SSBP3: variants seen among roughly 807,000 people sequenced by gnomAD.
SSBP3 encodes the protein single-stranded DNA-binding protein 3.
A neutral mutation model predicts 69.6 loss-of-function variants in SSBP3; 5 were observed. That is an observed-to-expected ratio of 0.07 (90% CI 0.04 to 0.15). SSBP3 has a LOEUF of 0.15. Ranked by LOEUF, SSBP3 falls within the 10% of genes least tolerant of loss-of-function variation. The pLI, the probability that SSBP3 is intolerant of heterozygous loss-of-function variation, is 1.00. For synonymous variants in SSBP3, 196 were observed against 193.4 expected (o/e 1.01, Z -0.11); for missense variants, 312 against 534.0 (o/e 0.58, Z 4.10).
chr1:54,296,874 A>G (rs1011101604), intron 4 of SSBP3, among the ~76,000 whole-genome samples: 5 of 151,974 alleles, frequency 3.3e-5, no homozygotes, highest in African/African-American at 1.2e-4. Flanking sequence ...CCTGCCCCCA[A>G]AGCCTCCTGG....
intron 16 of SSBP3, 28 bp from the exon 17 acceptor site, chr1:54,228,384 C>T (rs762007801): frequency 6.2e-7 from 1 of 1,614,028 alleles, no homozygotes; most frequent in Non-Finnish European, 8.5e-7. Context: ...GAGGTGAGCA[C>T]CTGTGTCCCC....
Position 54,253,180 on chromosome 1 carries a change from TTTTTAG to T in SSBP3, c.508-1326_508-1321del, listed in dbSNP as rs1475500990. 2.7e-3 allele frequency among the ~76,000 whole-genome samples: 404 copies of T among 149,750 alleles called. 4 individuals carry two copies. The highest frequency in any genetic ancestry group is 8.8e-3 in the African/African-American group (352 of 40,052). On this transcript the variant is annotated intron_variant, in intron 7 of 17. Coordinates refer to ENST00000610401, the Ensembl canonical transcript of SSBP3. Reference sequence around the variant, plus strand: ...AGAATTGGTATTTGTTTTTGTTTTTTTTTTAGTTTTTGTTTTTTTTTTTTTTTAAGA... The same window carrying T: ...AGAATTGGTATTTGTTTTTGTTTTTTTTTTTGTTTTTTTTTTTTTTTAAGA...
chr1:54,340,808 C>T (rs1646594206), intron 4 of SSBP3, among the ~76,000 whole-genome samples: 1 of 152,226 alleles, frequency 6.6e-6, no homozygotes, highest in African/African-American at 2.4e-5. Context: ...GCCCAGAGGG[C>T]TGCAGGCTCC....
At chr1:54,319,035 C>A (rs189821665) in intron 4 of SSBP3, among the ~76,000 whole-genome samples, 2 of 152,144 alleles carry the variant, frequency 1.3e-5, no homozygotes, top group Non-Finnish European at 2.9e-5. Flanking sequence ...GTGTTCTAGG[C>A]TGTCCACACC....
chr1:54,404,811 G>GGC, intron 2 of SSBP3, 47 bp downstream of exon 2: 2 of 990,834 alleles, frequency 2.0e-6, no homozygotes, highest in Admixed American at 2.1e-5. Context: ...AGAATAGTGG[G>GGC]GGGGGGGGGT....
At chr1:54,392,275 G>C (rs1218510131) in intron 4 of SSBP3, among the ~76,000 whole-genome samples, 2 of 152,158 alleles carry the variant, frequency 1.3e-5, no homozygotes, top group African/African-American at 4.8e-5. Flanking sequence ...TTCTAGTACA[G>C]ATCTGGAAAC....
At chr1:54,397,041 A>G (rs946567447) in intron 4 of SSBP3, among the ~76,000 whole-genome samples, 9 of 152,246 alleles carry the variant, frequency 5.9e-5, no homozygotes, top group East Asian at 1.9e-4. Flanking sequence ...CCCAAAGCCT[A>G]TGCTCCAAGG....
intron 4 of SSBP3, among the ~76,000 whole-genome samples, chr1:54,348,374 G>C (rs1646726376): frequency 6.6e-6 from 1 of 151,732 alleles, no homozygotes; most frequent in Non-Finnish European, 1.5e-5. Flanking sequence ...ACAGGAAGTA[G>C]ACATCCTCCT....
chr1:54,241,773 C>T (rs1347593563), intron 11 of SSBP3, among the ~76,000 whole-genome samples: 2 of 152,228 alleles, frequency 1.3e-5, no homozygotes, highest in South Asian at 2.1e-4. Flanking sequence ...GAAGGCCCTC[C>T]GGTTTGAGAG....
intron 4 of SSBP3, among the ~76,000 whole-genome samples, chr1:54,393,077 T>C (rs1325911662): frequency 6.6e-6 from 1 of 152,096 alleles, no homozygotes; most frequent in African/African-American, 2.4e-5. Context: ...GAGGCCAAAG[T>C]GGCTGGAGAA....
At chr1:54,279,808 G>C (rs1222390327) in intron 5 of SSBP3, among the ~76,000 whole-genome samples, 1 of 152,196 alleles carries the variant, frequency 6.6e-6, no homozygotes, top group Admixed American at 6.5e-5. Flanking sequence ...TTCCTCCCTG[G>C]GAGAAGGACA....
chr1:54,240,123 A>ATGCCCACGCGCGCGCGCG (rs1557449311), intron 13 of SSBP3, among the ~76,000 whole-genome samples: 1 of 10,462 alleles, frequency 9.6e-5, no homozygotes, highest in Admixed American at 1.8e-3. Context: ...CGCGCGCGCA[A>ATGCCCACGCGCGCGCGCG]CACATGCCCA....
rs892874190 is a variant in SSBP3 at position 54,255,994 on chromosome 1, C to T, written c.507+1133G>A. Reference sequence around the variant, plus strand: ...GGCTGAGGCAGGAGAACTGCTTGAACCCAGGAGGCGGACGGAGGTTGCAGT... The same window carrying T: ...GGCTGAGGCAGGAGAACTGCTTGAATCCAGGAGGCGGACGGAGGTTGCAGT... On this transcript the variant is annotated intron_variant, in intron 7 of 17. Transcript: ENST00000610401. Among the ~76,000 whole-genome samples, 12 of 152,170 alleles carry T rather than the reference C, an allele frequency of 7.9e-5. No homozygotes were observed. In the East Asian group the frequency reaches 1.7e-3, roughly 22 times the overall value.
intron 5 of SSBP3, among the ~76,000 whole-genome samples, chr1:54,266,562 C>G (rs942816353): frequency 1.3e-5 from 2 of 152,074 alleles, no homozygotes; most frequent in African/African-American, 4.8e-5. Flanking sequence ...GTCCTCAAGA[C>G]TGAAGAGGGA....
At chr1:54,325,571 T>G (rs534383279) in intron 4 of SSBP3, 15 of 164,782 alleles carry the variant, frequency 9.1e-5, no homozygotes, top group African/African-American at 3.6e-4. Context: ...TTGTAACTCC[T>G]GCTGATGTAA....
chr1:54,376,564 A>T (rs1331735560), intron 4 of SSBP3, among the ~76,000 whole-genome samples: 1 of 152,236 alleles, frequency 6.6e-6, no homozygotes, highest in Non-Finnish European at 1.5e-5. Context: ...ACATATGGTC[A>T]GCCTGGACTC....
chr1:54,228,010 A>G (rs1644316128), intron 17 of SSBP3, among the ~76,000 whole-genome samples: 1 of 152,194 alleles, frequency 6.6e-6, no homozygotes, highest in African/African-American at 2.4e-5. Context: ...CGGCCGTATC[A>G]GCTTAATCAG....
chr1:54,412,757 C>T (rs962342979), intron 1 of SSBP3: 1 of 152,090 alleles, frequency 6.6e-6, no homozygotes, highest in African/African-American at 2.4e-5. Flanking sequence ...CTGTGTCGCT[C>T]CGTTTGGAGT....
At chr1:54,339,408 T>C (rs1159511162) in intron 4 of SSBP3, among the ~76,000 whole-genome samples, 1 of 152,208 alleles carries the variant, frequency 6.6e-6, no homozygotes, top group Non-Finnish European at 1.5e-5. Flanking sequence ...TCTGCTTAGA[T>C]TTGAATCCTG....
Sources: gnomAD v4.1 joint callset for allele counts (sites outside exome capture counted in the v4.1 genomes callset) on GRCh38, gnomAD v4.1.1 for gene constraint, MANE v1.5 for transcripts, NCBI Gene and HGNC (gene_info 2026-07-23, HGNC 2026-07-21) for gene names.